The following NSMCE2 variants were observed in gnomAD, a reference collection of about 807,000 sequenced individuals.
NSMCE2 encodes the protein NSE2 SUMO ligase component of SMC5/6 complex.
In NSMCE2, 24 loss-of-function variants were observed where a neutral mutation model predicts 23.8. The observed-to-expected ratio is 1.01, with a 90% CI of 0.73 to 1.42. The LOEUF is 1.42. Among genes scored for constraint, NSMCE2 ranks in the 40% most tolerant of loss-of-function variants. The pLI is 0.00. For missense variants in NSMCE2, 284 were observed against 296.5 expected, an observed-to-expected ratio of 0.96 and a Z score of 0.31; for synonymous variants, 92 against 94.1, an observed-to-expected ratio of 0.98 and a Z score of 0.13.
chr8:125,278,288 GGGCCCTTGAATGGCACCAGTAA>G, intron 5 of NSMCE2, among the ~76,000 whole-genome samples: 1 of 152,254 alleles, frequency 6.6e-6, no homozygotes, highest in East Asian at 1.9e-4. Flanking sequence ...GCAATCTTTG[GGGCCCTTGAATGGCACCAGTAA>G]GGCCCTTCAG....
At chr8:125,340,154 A>G (rs1409224963) in intron 5 of NSMCE2, among the ~76,000 whole-genome samples, 1 of 151,052 alleles carries the variant, frequency 6.6e-6, no homozygotes, top group African/African-American at 2.4e-5. Context: ...AGCTGGGACT[A>G]CAGGCGCCCG....
intron 3 of NSMCE2, among the ~76,000 whole-genome samples, chr8:125,111,240 G>A (rs1818731451): frequency 6.6e-6 from 1 of 152,102 alleles, no homozygotes; most frequent in South Asian, 2.1e-4. Flanking sequence ...AAAATTACAT[G>A]GTCAGGGACA....
intron 5 of NSMCE2, among the ~76,000 whole-genome samples, chr8:125,221,653 A>G (rs1462028105): frequency 6.6e-6 from 1 of 152,256 alleles, no homozygotes; most frequent in Non-Finnish European, 1.5e-5. Flanking sequence ...TATATACATA[A>G]TGAAATATAT....
chr8:125,309,312 A>G (rs1187899866), intron 5 of NSMCE2, among the ~76,000 whole-genome samples: 1 of 151,932 alleles, frequency 6.6e-6, no homozygotes, highest in Non-Finnish European at 1.5e-5. Flanking sequence ...ACTGCATTGT[A>G]GAAGTTTAAT....
intron 3 of NSMCE2, among the ~76,000 whole-genome samples, chr8:125,121,073 T>C (rs1819241808): frequency 6.6e-6 from 1 of 152,180 alleles, no homozygotes; most frequent in African/African-American, 2.4e-5. Flanking sequence ...ATTAACTCTT[T>C]TGGTTTTGTG....
chr8:125,329,445 A>G (rs777657872), intron 5 of NSMCE2, among the ~76,000 whole-genome samples: 14 of 152,144 alleles, frequency 9.2e-5, no homozygotes, highest in Non-Finnish European at 1.6e-4. Context: ...TTTAGTTACC[A>G]AGAAGATTTC....
chr8:125,248,302 G>A (rs184106621), intron 5 of NSMCE2, among the ~76,000 whole-genome samples: 64 of 152,288 alleles, frequency 4.2e-4, no homozygotes, highest in Admixed American at 1.2e-3. Flanking sequence ...AAAGACAAAA[G>A]CAATTGCTTC....
At chr8:125,252,457 C>A (rs187065557) in intron 5 of NSMCE2, among the ~76,000 whole-genome samples, 10 of 152,170 alleles carry the variant, frequency 6.6e-5, no homozygotes, top group African/African-American at 2.2e-4. Context: ...ACCCAGGAGG[C>A]GGAGCTCGCA....
At chr8:125,142,013 G>A (rs762609510) in intron 3 of NSMCE2, among the ~76,000 whole-genome samples, 47 of 152,118 alleles carry the variant, frequency 3.1e-4, no homozygotes, top group Non-Finnish European at 6.6e-4. Flanking sequence ...CGCTTTAGAA[G>A]TTAGTAAAAA....
At chr8:125,219,731 A>G (rs1824764526) in intron 5 of NSMCE2, among the ~76,000 whole-genome samples, 1 of 152,242 alleles carries the variant, frequency 6.6e-6, no homozygotes, top group Non-Finnish European at 1.5e-5. Flanking sequence ...TTTATAAAGA[A>G]TTAATAAAAT....
intron 4 of NSMCE2, among the ~76,000 whole-genome samples, chr8:125,156,771 C>T (rs1347111119): frequency 2.0e-5 from 3 of 152,184 alleles, no homozygotes; most frequent in Non-Finnish European, 4.4e-5. Context: ...TATAGTTTAT[C>T]TCAGCTCTCT....
chr8:125,168,848 G>A (rs558736572), intron 4 of NSMCE2, among the ~76,000 whole-genome samples: 1 of 152,286 alleles, frequency 6.6e-6, no homozygotes, highest in African/African-American at 2.4e-5. Flanking sequence ...GAAGATATGT[G>A]GTAATAAGAA....
intron 5 of NSMCE2, among the ~76,000 whole-genome samples, chr8:125,192,808 T>C (rs1326048360): frequency 6.6e-6 from 1 of 152,192 alleles, no homozygotes; most frequent in Non-Finnish European, 1.5e-5. Context: ...TGTCCTCACA[T>C]AGGGGAAAGG....
At chr8:125,347,165 A>G (rs1366151720) in intron 5 of NSMCE2, among the ~76,000 whole-genome samples, 1 of 152,220 alleles carries the variant, frequency 6.6e-6, no homozygotes, top group Non-Finnish European at 1.5e-5. Flanking sequence ...TACCATTAGT[A>G]TCTCCATTTC....
chr8:125,346,756 G>A lies in NSMCE2; in HGVS notation c.419-10463G>A, dbSNP rs116680659. On this transcript the variant is annotated intron_variant, in intron 5 of 7. Coordinates refer to ENST00000287437, the MANE Select transcript of NSMCE2 (RefSeq NM_173685.4). ...ATTGTATGACCAAATCTTAACTGACGATTTTTGTCCTACCAGTTGAATGTG... is the reference window on the plus strand; with the variant it reads ...ATTGTATGACCAAATCTTAACTGACAATTTTTGTCCTACCAGTTGAATGTG... Among the ~76,000 whole-genome samples the A allele has an allele frequency of 3.5e-3, 535 of 152,190 alleles. 4 individuals are homozygous for A. Among genetic ancestry groups the A allele is most frequent in the African/African-American group, 0.012 (510 of 41,512 alleles).
In NSMCE2 at chr8:125,151,227, G is replaced by C; in HGVS notation, c.214G>C (p.Asp72His). Residue 72 changes from aspartate (D) to histidine (H), a missense_variant, in exon 4 of 8, where the codon GAT (aspartate) becomes CAT (histidine). Around this residue, in one of 2 missense-constraint regions of NSMCE2, gnomAD observed 182 missense variants for 155.5 expected, o/e 1.17. Transcript: ENST00000287437. The part of the protein sequence containing the change: ...DKAMVEFATL[D>H]RQLNHYVKAV... ...GGCAATGGTTGAATTTGCTACATTG[G>C]ATCGGCAACTAAACCATTATGTAAA... The C allele has an allele frequency of 6.2e-7, 1 of 1,609,094 alleles. No homozygotes were observed. The highest frequency in any genetic ancestry group is 1.7e-4 in the Middle Eastern group (1 of 6,042).
intron 3 of NSMCE2, among the ~76,000 whole-genome samples, chr8:125,124,470 T>TCCTCTCTCTCTCTC (rs1819417523): frequency 6.8e-6 from 1 of 146,234 alleles, no homozygotes; most frequent in African/African-American, 2.5e-5. Flanking sequence ...TCCTCAGGAT[T>TCCTCTCTCTCTCTC]TCTCTCTCTC....
intron 4 of NSMCE2, among the ~76,000 whole-genome samples, chr8:125,155,604 T>A (rs1821266157): frequency 6.6e-6 from 1 of 152,190 alleles, no homozygotes; most frequent in Admixed American, 6.5e-5. Context: ...ATATCCTACT[T>A]CTTAAACAGG....
chr8:125,192,553 A>G (rs1417765424), intron 5 of NSMCE2, among the ~76,000 whole-genome samples: 6 of 152,214 alleles, frequency 3.9e-5, no homozygotes, highest in South Asian at 2.1e-4. Context: ...GCGTATAGAA[A>G]TTCAGAGCTA....
Sources: allele counts gnomAD v4.1 joint callset (sites outside exome capture counted in the v4.1 genomes callset), GRCh38; gene constraint gnomAD v4.1.1; regional missense constraint gnomAD v4.1.1; transcripts MANE v1.5; gene names NCBI Gene and HGNC (gene_info 2026-07-23, HGNC 2026-07-21).